PRCD: variants seen among roughly 807,000 people sequenced by gnomAD.
The protein encoded by PRCD is photoreceptor disk component PRCD.
In PRCD, 12 loss-of-function variants were observed where a neutral mutation model predicts 10.1. That is an observed-to-expected ratio of 1.18 (90% CI 0.76 to 1.92). The LOEUF (loss-of-function observed/expected upper bound fraction) is 1.92, where lower values mean the gene tolerates loss of function less well. Ranked by LOEUF, PRCD falls within the 40% of genes most tolerant of loss-of-function variation. The pLI is 0.00. For missense variants in PRCD, 61 were observed against 72.2 expected (o/e 0.84, Z 0.56); for synonymous variants, 31 against 26.2 (o/e 1.18, Z -0.56).
Position 76,530,048 on chromosome 17 carries a change from G to C in PRCD, n.45+2215G>C. ...TGTGAACAGAAGGGCCGGCAGTCTT[G>C]GGGGCCCGTGCAGAGCCCGGCGGGA... On this transcript the variant is annotated intron_variant and non_coding_transcript_variant, in intron 1 of 4. Transcript: ENST00000397633. The surrounding 1 kb of genome is among the most constrained non-coding windows in gnomAD (Gnocchi z 6.1). 1.0e-6 allele frequency: 1 copy of C among 985,406 alleles called. No individual in the cohort carries two copies. Among genetic ancestry groups the C allele is most frequent in the Non-Finnish European group, 1.2e-6 (1 of 829,918 alleles). 61.0% of individuals were successfully genotyped at this position (985,406 alleles called of 1,614,324 possible). A position where few individuals can be genotyped will look rare whatever the true frequency, so the allele number is the denominator to read the frequency against.
chr17:76,553,328 G>T (rs974648847), exon 2 of PRCD: 3 of 152,236 alleles, frequency 2.0e-5, no homozygotes, highest in African/African-American at 7.2e-5. Flanking sequence ...ATGAATCAAG[G>T]TTTGCCCCTG....
In PRCD at chr17:76,540,666, C is replaced by A; in HGVS notation, c.143+93C>A. On this transcript the variant is annotated intron_variant, in intron 2 of 4. Coordinates refer to ENST00000592014, the MANE Select transcript of PRCD (RefSeq NM_001077620.3). This position sits in a 1 kb window ranked among gnomAD's most constrained non-coding sequence, Gnocchi z 5.0. ...GGGTGCACGTGTGTGCCTGTGCGCG[C>A]CTGTGCGTGCACCGTATCCTGGCCC... 1 of 1,280,372 alleles carries A rather than the reference C, an allele frequency of 7.8e-7. No individual in the cohort carries two copies. Among genetic ancestry groups the A allele is most frequent in the East Asian group, 2.4e-5 (1 of 41,626 alleles). The allele number at this position is 1,280,372 out of a possible 1,614,324, so 79.3% of individuals were successfully genotyped here.
In PRCD at chr17:76,528,464, A is replaced by G; in HGVS notation, n.45+631A>G. ...ACAGAGGCCTCCTTCGGGGAAGTTG[A>G]GTCAGGGATTCCTCCAGCTTCCTTG... is the stretch of plus-strand genomic sequence containing the variant. On this transcript the variant is annotated intron_variant and non_coding_transcript_variant, in intron 1 of 4. Coordinates refer to the PRCD transcript ENST00000397633. The surrounding 1 kb of genome is among the most constrained non-coding windows in gnomAD (Gnocchi z 5.8). 2 of 1,002,822 alleles carry G rather than the reference A, an allele frequency of 2.0e-6. No individual in the cohort carries two copies. Among genetic ancestry groups the G allele is most frequent in the Middle Eastern group, 2.4e-4 (1 of 4,216 alleles). The allele number at this position is 1,002,822 out of a possible 1,614,324, so 62.1% of individuals were successfully genotyped here. A position where few individuals can be genotyped will look rare whatever the true frequency, so the allele number is the denominator to read the frequency against.
At chr17:76,536,765 C>G (rs1050093125), upstream of PRCD, among the ~76,000 whole-genome samples, 2 of 152,136 alleles carry the variant, frequency 1.3e-5, no homozygotes, top group Non-Finnish European at 2.9e-5. Flanking sequence ...CCTCACCCTC[C>G]AAACTCAGCA....
At chr17:76,551,817 G>C (rs759904855) in intron 1 of PRCD, 1 of 151,892 alleles carries the variant, frequency 6.6e-6, no homozygotes. Context: ...TGGGTTTTTA[G>C]GCTGGATTGT....
Position 76,544,306 on chromosome 17 carries a change from A to G in PRCD, c.*656A>G, listed in dbSNP as rs1377053011. 4.4e-6 allele frequency: 2 copies of G among 454,226 alleles called. No individual in the cohort carries two copies. Among genetic ancestry groups the G allele is most frequent in the African/African-American group, 2.0e-5 (1 of 49,958 alleles). 28.1% of individuals were successfully genotyped at this position (454,226 alleles called of 1,614,324 possible). ...GCCCTTGACTTCCAGGCAGTAGAAG[A>G]TGGAGTTCTCTAGACAGCAGCACTT... On this transcript the variant is annotated 3_prime_UTR_variant, in exon 5 of 5. Coordinates refer to ENST00000592014, the MANE Select transcript of PRCD (RefSeq NM_001077620.3).
rs550052822 is a variant in PRCD at position 76,543,920 on chromosome 17, G to C, written c.*270G>C. The C allele has an allele frequency of 4.2e-6, 2 of 470,692 alleles. No homozygotes were observed. The highest frequency in any genetic ancestry group is 8.8e-6 in the Non-Finnish European group (2 of 227,068). The allele number at this position is 470,692 out of a possible 1,614,324, so 29.2% of individuals were successfully genotyped here. A position where few individuals can be genotyped will look rare whatever the true frequency, so the allele number is the denominator to read the frequency against. The stretch of plus-strand genomic sequence containing the variant: ...GGGAGCAACGGACAGCTTGTCCTCC[G>C]AATGTGTTTTCTGTATGTGTGCAAG... On this transcript the variant is annotated 3_prime_UTR_variant, in exon 5 of 5. Coordinates refer to ENST00000592014, the MANE Select transcript of PRCD (RefSeq NM_001077620.3).
Position 76,540,920 on chromosome 17 carries a change from C to T in PRCD, c.143+347C>T, listed in dbSNP as rs922747497. ...GTGGCTTTGCTCGCCTTTCCTTGCC[C>T]TTCCCCCTCCTCCTCCTCTGCCCCC... On this transcript the variant is annotated intron_variant, in intron 2 of 4. Coordinates refer to ENST00000592014, the MANE Select transcript of PRCD (RefSeq NM_001077620.3). The surrounding 1 kb of genome is among the most constrained non-coding windows in gnomAD (Gnocchi z 5.0). Among the ~76,000 whole-genome samples, 7 of 152,206 alleles carry T rather than the reference C, an allele frequency of 4.6e-5. No homozygotes were observed. The highest frequency in any genetic ancestry group is 1.0e-4 in the Non-Finnish European group (7 of 68,028).
chr17:76,528,476 C>T lies in PRCD; in HGVS notation n.45+643C>T. The T allele has an allele frequency of 9.1e-7, 1 of 1,095,120 alleles. No homozygotes were observed. The highest frequency in any genetic ancestry group is 1.2e-6 in the Non-Finnish European group (1 of 840,786). The allele number at this position is 1,095,120 out of a possible 1,614,324, so 67.8% of individuals were successfully genotyped here. ...TTCGGGGAAGTTGAGTCAGGGATTC[C>T]TCCAGCTTCCTTGGCACCCAGAAAT... On this transcript the variant is annotated intron_variant and non_coding_transcript_variant, in intron 1 of 4. Coordinates refer to the PRCD transcript ENST00000397633. The surrounding 1 kb of genome is among the most constrained non-coding windows in gnomAD (Gnocchi z 5.8).
At chr17:76,538,467 G>A (rs1445275266), upstream of PRCD, 1 of 465,126 alleles carries the variant, frequency 2.1e-6, no homozygotes, top group South Asian at 1.6e-5. Context: ...CGCGGCGGCG[G>A]CGGCCAGAAG....
At chr17:76,529,853 C>G (rs1369772683) in intron 1 of PRCD, 1 of 985,186 alleles carries the variant, frequency 1.0e-6, no homozygotes, top group African/African-American at 1.7e-5. Flanking sequence ...CTGGAGTTGG[C>G]TTGGCTCCAG....
rs1009828411 is a variant in PRCD at position 76,540,523 on chromosome 17, T to TGGGGCAGCTA, written c.102_111dup (p.Ser38Ter). 8 of 1,612,780 alleles carry TGGGGCAGCTA rather than the reference T, an allele frequency of 5.0e-6. No individual in the cohort carries two copies. The Admixed American group carries it at 5.0e-5, about 10-fold the overall frequency. The stretch of plus-strand genomic sequence containing the variant: ...CCCACAGAGAGCCCAGCGACGTGGA[T>TGGGGCAGCTA]GGGGCAGCTAGGGGCAGCAGCTTGG... On this transcript the variant is annotated frameshift_variant, in exon 2 of 5. Coordinates refer to ENST00000592014, the MANE Select transcript of PRCD (RefSeq NM_001077620.3). LOFTEE classifies it high-confidence loss of function. The surrounding 1 kb of genome is among the most constrained non-coding windows in gnomAD (Gnocchi z 5.0).
At position 76,531,363 on chromosome 17, in the gene PRCD, A is replaced by G; in HGVS notation, n.45+3530A>G. 1 of 1,439,430 alleles carries G rather than the reference A, an allele frequency of 6.9e-7. No homozygotes were observed. The highest frequency in any genetic ancestry group is 9.5e-7 in the Non-Finnish European group (1 of 1,053,612). 89.2% of individuals were successfully genotyped at this position (1,439,430 alleles called of 1,614,324 possible). A position where few individuals can be genotyped will look rare whatever the true frequency, so the allele number is the denominator to read the frequency against. On this transcript the variant is annotated intron_variant and non_coding_transcript_variant, in intron 1 of 4. Coordinates refer to the PRCD transcript ENST00000397633. This position sits in a 1 kb window ranked among gnomAD's most constrained non-coding sequence, Gnocchi z 7.4. ...CCCTCTCGCAGCCACTCCGGGGATC[A>G]CCTCTGTTGCTCCAGAGAGCCGTCG...
rs973919671 is a variant in PRCD, at chr17:76,529,637, G to C, written n.45+1804G>C. On this transcript the variant is annotated intron_variant and non_coding_transcript_variant, in intron 1 of 4. Transcript: ENST00000397633. ...TCATCTTTGGCAGCAGAGCCTGCGT[G>C]GGGAGAGGGGTGGGAGGGCAGGCAA... 1.4e-5 allele frequency: 14 copies of C among 985,332 alleles called. No individual in the cohort carries two copies. The African/African-American group carries it at 2.4e-4, about 17-fold the overall frequency. The allele number at this position is 985,332 out of a possible 1,614,324, so 61.0% of individuals were successfully genotyped here. A position where few individuals can be genotyped will look rare whatever the true frequency, so the allele number is the denominator to read the frequency against.
intron 1 of PRCD, chr17:76,529,719 T>A: frequency 1.0e-6 from 1 of 984,938 alleles, no homozygotes; most frequent in Non-Finnish European, 1.2e-6. Context: ...TGACAGCTGG[T>A]GGGGGGTGAG....
At position 76,540,614 on chromosome 17, in the gene PRCD, A is replaced by C; in HGVS notation, c.143+41A>C. 1.9e-6 allele frequency: 3 copies of C among 1,595,762 alleles called. No individual in the cohort carries two copies. The highest frequency in any genetic ancestry group is 2.6e-6 in the Non-Finnish European group (3 of 1,164,928). ...GGGCTGGGGGAGGGAGGGTGCTGCC[A>C]AGGAAGCTGTGGCTGTGCATGCCTG... On this transcript the variant is annotated intron_variant, in intron 2 of 4. Transcript: ENST00000592014. This position sits in a 1 kb window ranked among gnomAD's most constrained non-coding sequence, Gnocchi z 5.0.
At chr17:76,536,278 G>A (rs1028008044), upstream of PRCD, among the ~76,000 whole-genome samples, 2 of 152,130 alleles carry the variant, frequency 1.3e-5, no homozygotes, top group Admixed American at 6.5e-5. Context: ...GAGCTGGGTC[G>A]GTCCCAGGCT....
upstream of PRCD, among the ~76,000 whole-genome samples, chr17:76,536,456 G>A (rs1458658169): frequency 6.6e-6 from 1 of 152,188 alleles, no homozygotes; most frequent in African/African-American, 2.4e-5. Flanking sequence ...AGGGGCTTGA[G>A]GGTGAGCATG....
chr17:76,538,415 CCT>C (rs2074948320), upstream of PRCD: 1 of 436,746 alleles, frequency 2.3e-6, no homozygotes, highest in South Asian at 1.6e-5. Context: ...GCCTGCGCCC[CCT>C]CTCCTTCCGC....
Sources: gnomAD v4.1 joint callset for allele counts (sites outside exome capture counted in the v4.1 genomes callset) on GRCh38, gnomAD v4.1.1 for gene constraint, Gnocchi (gnomAD v3.1) non-coding constraint, MANE v1.5 for transcripts, NCBI Gene and HGNC (gene_info 2026-07-23, HGNC 2026-07-21) for gene names.